GRID2: variants seen among roughly 807,000 people sequenced by gnomAD.
GRID2 encodes glutamate ionotropic receptor delta type subunit 2.
GRID2 carries 33 observed loss-of-function variants against 114.8 expected under a neutral mutation model. The observed-to-expected ratio is 0.29, with a 90% confidence interval of 0.22 to 0.38. The LOEUF is 0.38. Among genes scored for constraint, GRID2 ranks in the 10% least tolerant of loss-of-function variants. GRID2 has a pLI of 1.00. For synonymous variants in GRID2, 505 were observed against 449.9 expected (o/e 1.12, Z -1.55); for missense variants, 1,184 against 1,257.7 (o/e 0.94, Z 0.89).
chr4:93,592,827 C>G (rs1165540438), intron 13 of GRID2, among the ~76,000 whole-genome samples: 1 of 152,118 alleles, frequency 6.6e-6, no homozygotes, highest in Non-Finnish European at 1.5e-5. Context: ...TTCTTTGTCT[C>G]TTTTGATCTT....
At chr4:92,543,180 C>T (rs1463465602) in intron 1 of GRID2, among the ~76,000 whole-genome samples, 1 of 152,062 alleles carries the variant, frequency 6.6e-6, no homozygotes, top group Non-Finnish European at 1.5e-5. Context: ...AATACTGCTC[C>T]TGCATGCCAA....
chr4:93,120,296 G>A (rs187014349), intron 4 of GRID2, among the ~76,000 whole-genome samples: 31 of 152,174 alleles, frequency 2.0e-4, no homozygotes, highest in Admixed American at 1.0e-3. Context: ...ACATGCACAC[G>A]GATGTTTCTT....
chr4:93,170,613 A>C (rs1427554419), intron 4 of GRID2, among the ~76,000 whole-genome samples: 1 of 152,190 alleles, frequency 6.6e-6, no homozygotes, highest in Non-Finnish European at 1.5e-5. Context: ...TCTGACCCAA[A>C]TTCTATACAT....
At chr4:93,792,795 G>GA (rs1244292133) in intron 1 of GRID2, among the ~76,000 whole-genome samples, 2 of 152,150 alleles carry the variant, frequency 1.3e-5, no homozygotes. Flanking sequence ...GATCCATGGT[G>GA]AAACCTCAGT....
intron 2 of GRID2, among the ~76,000 whole-genome samples, chr4:92,604,520 G>A (rs931720614): frequency 1.3e-5 from 2 of 150,306 alleles, no homozygotes; most frequent in African/African-American, 4.9e-5. Flanking sequence ...GGGGAACAGG[G>A]AGGGGACTTT....
intron 2 of GRID2, among the ~76,000 whole-genome samples, chr4:92,851,912 A>G (rs1307500263): frequency 6.6e-6 from 1 of 152,000 alleles, no homozygotes; most frequent in African/African-American, 2.4e-5. Flanking sequence ...GAATGCAGAA[A>G]GACTCCTGAG....
intron 14 of GRID2, among the ~76,000 whole-genome samples, chr4:93,654,306 A>C (rs1467525028): frequency 3.3e-5 from 5 of 152,192 alleles, no homozygotes; most frequent in African/African-American, 1.2e-4. Context: ...TTATTCATAA[A>C]ACACTTTGCA....
intron 2 of GRID2, among the ~76,000 whole-genome samples, chr4:92,625,635 A>G (rs1243215592): frequency 6.6e-6 from 1 of 151,790 alleles, no homozygotes; most frequent in Non-Finnish European, 1.5e-5. Context: ...TCAGCCCTAG[A>G]TTTTTTATCT....
At chr4:92,330,659 A>G (rs1448718457) in intron 1 of GRID2, among the ~76,000 whole-genome samples, 1 of 152,108 alleles carries the variant, frequency 6.6e-6, no homozygotes, top group East Asian at 1.9e-4. Flanking sequence ...AGCTAATATA[A>G]TATAAACTTA....
intron 1 of GRID2, among the ~76,000 whole-genome samples, chr4:92,431,634 T>C (rs898468877): frequency 5.3e-5 from 8 of 151,898 alleles, no homozygotes; most frequent in African/African-American, 1.7e-4. Context: ...AGAAAGACTT[T>C]CCAGAAAAAA....
At chr4:93,095,126 AT>A (rs1247402025) in intron 3 of GRID2, among the ~76,000 whole-genome samples, 2 of 151,512 alleles carry the variant, frequency 1.3e-5, no homozygotes, top group East Asian at 1.9e-4. Context: ...ACCATTTTTA[AT>A]TTTTTTTTAA....
At chr4:93,053,202 C>T (rs1029984703) in intron 2 of GRID2, among the ~76,000 whole-genome samples, 7 of 151,862 alleles carry the variant, frequency 4.6e-5, no homozygotes, top group South Asian at 2.1e-4. Context: ...GGAGATTTGT[C>T]GAAACTATTA....
At chr4:93,328,083 A>T (rs1299038102) in intron 8 of GRID2, among the ~76,000 whole-genome samples, 1 of 151,948 alleles carries the variant, frequency 6.6e-6, no homozygotes, top group Admixed American at 6.6e-5. Flanking sequence ...GCGCCACTGC[A>T]CTCCAGCCTG....
At chr4:93,680,589 T>A (rs1383080201) in intron 14 of GRID2, among the ~76,000 whole-genome samples, 1 of 151,644 alleles carries the variant, frequency 6.6e-6, no homozygotes, top group African/African-American at 2.4e-5. Context: ...CATGATCAAG[T>A]GGGCTTCATC....
intron 8 of GRID2, among the ~76,000 whole-genome samples, chr4:93,354,819 T>C (rs1005636964): frequency 6.9e-6 from 1 of 145,498 alleles, no homozygotes; most frequent in South Asian, 2.1e-4. Context: ...AAATAAGATA[T>C]ATATATATAT....
chr4:92,848,079 T>C (rs776927056), intron 2 of GRID2, among the ~76,000 whole-genome samples: 3 of 152,054 alleles, frequency 2.0e-5, no homozygotes, highest in Non-Finnish European at 4.4e-5. Context: ...ATATTGTGTC[T>C]GAATGGTGAA....
chr4:92,442,535 C>G (rs1335366465), intron 1 of GRID2, among the ~76,000 whole-genome samples: 2 of 151,934 alleles, frequency 1.3e-5, no homozygotes, highest in African/African-American at 4.8e-5. Flanking sequence ...ACAGTGGAGG[C>G]AAGGAATTGC....
At chr4:92,653,881 C>T (rs1433542890) in intron 2 of GRID2, among the ~76,000 whole-genome samples, 1 of 152,078 alleles carries the variant, frequency 6.6e-6, no homozygotes, top group Non-Finnish European at 1.5e-5. Flanking sequence ...TTCTTGAATA[C>T]TTTTTGGCTA....
intron 2 of GRID2, among the ~76,000 whole-genome samples, chr4:92,912,487 G>C (rs1748464545): frequency 7.7e-6 from 1 of 130,250 alleles, no homozygotes; most frequent in Non-Finnish European, 1.7e-5. Flanking sequence ...GTTTTGATAT[G>C]TACAGAAAAA....
Sources: gnomAD v4.1 joint callset for allele counts (sites outside exome capture counted in the v4.1 genomes callset) on GRCh38, gnomAD v4.1.1 for gene constraint, MANE v1.5 for transcripts, NCBI Gene and HGNC (gene_info 2026-07-23, HGNC 2026-07-21) for gene names.